Variants in INPP4B observed in about 807,000 individuals in gnomAD.
INPP4B encodes inositol polyphosphate 4-phosphatase type II.
A neutral mutation model predicts 122.5 loss-of-function variants in INPP4B; 55 were observed. That is an observed-to-expected ratio of 0.45 (90% CI 0.36 to 0.56). The LOEUF is 0.56. Among genes scored for constraint, INPP4B ranks in the 20% least tolerant of loss-of-function variants. The pLI, the probability that INPP4B is intolerant of heterozygous loss-of-function variation, is 0.00. For missense variants in INPP4B, 1,000 were observed against 1,097.7 expected (o/e 0.91, Z 1.26); for synonymous variants, 403 against 388.7 (o/e 1.04, Z -0.43).
At chr4:142,316,207 T>C (rs981036826) in intron 7 of INPP4B, among the ~76,000 whole-genome samples, 1 of 152,192 alleles carries the variant, frequency 6.6e-6, no homozygotes, top group Non-Finnish European at 1.5e-5. Flanking sequence ...GAGATCCCAA[T>C]GGAGTAAACA....
intron 24 of INPP4B, among the ~76,000 whole-genome samples, chr4:142,084,081 A>G (rs1182336435): frequency 1.3e-5 from 2 of 152,056 alleles, no homozygotes; most frequent in Admixed American, 6.6e-5. Context: ...CACTTTTACT[A>G]TTTAAACTTA....
chr4:142,206,396 G>T (rs550203401), intron 14 of INPP4B, among the ~76,000 whole-genome samples: 3 of 142,996 alleles, frequency 2.1e-5, no homozygotes, highest in East Asian at 4.1e-4. Flanking sequence ...GACATAGTTC[G>T]TAGTGAATAA....
At chr4:142,135,159 C>T (rs929844210) in intron 18 of INPP4B, among the ~76,000 whole-genome samples, 1 of 152,178 alleles carries the variant, frequency 6.6e-6, no homozygotes, top group Non-Finnish European at 1.5e-5. Flanking sequence ...ATCCATATGA[C>T]TAGGCCTTCA....
intron 2 of INPP4B, among the ~76,000 whole-genome samples, chr4:142,663,678 CATTTA>C (rs1280210755): frequency 6.6e-6 from 1 of 151,706 alleles, no homozygotes; most frequent in Admixed American, 6.6e-5. Context: ...TTTAATAGAC[CATTTA>C]TTTTTCATAA....
At position 142,028,330 on chromosome 4, in the gene INPP4B, T is replaced by G. The variant is rs901755365; in HGVS notation, c.*452A>C. ...ATTTTTTTTAAATCCCTTACATTGATTCTCAGGTTGACTGTGTTCTCATAG... is the reference window on the plus strand; with the variant it reads ...ATTTTTTTTAAATCCCTTACATTGAGTCTCAGGTTGACTGTGTTCTCATAG... On this transcript the variant is annotated 3_prime_UTR_variant, in exon 26 of 26. Coordinates refer to ENST00000262992, the MANE Select transcript of INPP4B (RefSeq NM_001101669.3). 4.4e-6 allele frequency: 1 copy of G among 228,326 alleles called. No individual in the cohort carries two copies. Among genetic ancestry groups the G allele is most frequent in the African/African-American group, 2.2e-5 (1 of 45,028 alleles). 14.1% of individuals were successfully genotyped at this position (228,326 alleles called of 1,614,324 possible).
intron 3 of INPP4B, among the ~76,000 whole-genome samples, chr4:142,459,531 G>T (rs1816276277): frequency 6.6e-6 from 1 of 152,084 alleles, no homozygotes; most frequent in Non-Finnish European, 1.5e-5. Flanking sequence ...AGACTAAAAG[G>T]TAGTAATGTG....
chr4:142,600,261 G>T (rs891044908), intron 2 of INPP4B, among the ~76,000 whole-genome samples: 12 of 152,034 alleles, frequency 7.9e-5, no homozygotes, highest in Admixed American at 7.9e-4. Flanking sequence ...TCTTCAAGTT[G>T]CCCACTTGGA....
chr4:142,466,381 T>A (rs1817785650), intron 2 of INPP4B, among the ~76,000 whole-genome samples: 1 of 152,182 alleles, frequency 6.6e-6, no homozygotes, highest in South Asian at 2.1e-4. Context: ...TCTGTGGAAA[T>A]TTGAACTTTA....
At chr4:142,732,159 TAAA>T (rs1766191088) in intron 1 of INPP4B, among the ~76,000 whole-genome samples, 2 of 152,116 alleles carry the variant, frequency 1.3e-5, no homozygotes, top group Non-Finnish European at 2.9e-5. Flanking sequence ...TTTATAGATA[TAAA>T]AACTAAAGAC....
At chr4:142,634,909 A>G (rs1405516746) in intron 2 of INPP4B, among the ~76,000 whole-genome samples, 1 of 152,152 alleles carries the variant, frequency 6.6e-6, no homozygotes, top group Admixed American at 6.6e-5. Flanking sequence ...ACTTAACAAC[A>G]TTCAAAAGAT....
chr4:142,765,858 T>C (rs557945380), intron 1 of INPP4B: 2 of 151,636 alleles, frequency 1.3e-5, no homozygotes, highest in African/African-American at 4.8e-5. Context: ...TTTTTTTTAA[T>C]CAAATACAGA....
chr4:142,768,420 C>A (rs1772491349), intron 1 of INPP4B, among the ~76,000 whole-genome samples: 1 of 152,060 alleles, frequency 6.6e-6, no homozygotes, highest in Admixed American at 6.6e-5. Context: ...ACACACTCTG[C>A]CCAGAGGTCA....
intron 1 of INPP4B, among the ~76,000 whole-genome samples, chr4:142,788,597 T>C (rs1206543056): frequency 2.6e-5 from 4 of 152,102 alleles, no homozygotes; most frequent in Admixed American, 6.6e-5. Context: ...ACACAATTTG[T>C]AGTCTTTTAT....
At chr4:142,684,892 C>T (rs1580703940) in intron 2 of INPP4B, among the ~76,000 whole-genome samples, 1 of 151,898 alleles carries the variant, frequency 6.6e-6, no homozygotes, top group East Asian at 1.9e-4. Flanking sequence ...AAAAATTAGC[C>T]AGAGTGATAA....
At chr4:142,841,118 T>C (rs1282455196) in intron 1 of INPP4B, among the ~76,000 whole-genome samples, 1 of 152,020 alleles carries the variant, frequency 6.6e-6, no homozygotes, top group Non-Finnish European at 1.5e-5. Context: ...TATGCTAATC[T>C]CTAAGTGGAA....
At chr4:142,611,546 T>C (rs1411302446) in intron 2 of INPP4B, among the ~76,000 whole-genome samples, 1 of 151,764 alleles carries the variant, frequency 6.6e-6, no homozygotes, top group African/African-American at 2.4e-5. Flanking sequence ...TATTTTTTCG[T>C]TTGTAAAAAA....
chr4:142,818,094 AC>A (rs1486876484), intron 1 of INPP4B, among the ~76,000 whole-genome samples: 2 of 152,150 alleles, frequency 1.3e-5, no homozygotes, highest in African/African-American at 4.8e-5. Flanking sequence ...AGGAAATGGA[AC>A]TCTAATAATG....
At chr4:142,512,520 C>T (rs1395419569) in intron 2 of INPP4B, among the ~76,000 whole-genome samples, 2 of 152,008 alleles carry the variant, frequency 1.3e-5, no homozygotes, top group Non-Finnish European at 2.9e-5. Context: ...TCTAAAAGAC[C>T]AAGAAAAGAC....
intron 7 of INPP4B, among the ~76,000 whole-genome samples, chr4:142,392,744 T>C (rs1035662060): frequency 6.6e-6 from 1 of 152,238 alleles, no homozygotes; most frequent in African/African-American, 2.4e-5. Context: ...GTCAAAGTTA[T>C]GCTAAATAAT....
Sources: gnomAD v4.1 joint callset for allele counts (sites outside exome capture counted in the v4.1 genomes callset) on GRCh38, gnomAD v4.1.1 for gene constraint, MANE v1.5 for transcripts, NCBI Gene and HGNC (gene_info 2026-07-23, HGNC 2026-07-21) for gene names.